The following ERG28 variants were observed in gnomAD, a reference collection of about 807,000 sequenced individuals.
ERG28 encodes the protein ergosterol biosynthesis 28 homolog.
In ERG28, 9 loss-of-function variants were observed where a neutral mutation model predicts 15.7. The ratio of observed to expected loss-of-function variants is 0.57; its 90% CI spans 0.35 to 1.00. The LOEUF (loss-of-function observed/expected upper bound fraction) is 1.00. Ranked by LOEUF, ERG28 falls within the 50% of genes least tolerant of loss-of-function variation. The pLI is 0.02. For synonymous variants in ERG28, 61 were observed against 68.4 expected, an observed-to-expected ratio of 0.89 and a Z score of 0.53; for missense variants, 117 against 173.3, an observed-to-expected ratio of 0.68 and a Z score of 1.82.
intron 3 of ERG28, 105 bp from the exon 4 acceptor site, chr14:75,651,994 A>G: frequency 1.0e-6 from 1 of 985,232 alleles, no homozygotes. Flanking sequence ...GATGTCATTA[A>G]GACTTAAAAG....
intron 2 of ERG28, among the ~76,000 whole-genome samples, chr14:75,656,867 G>A (rs1338108080): frequency 6.6e-6 from 1 of 152,142 alleles, no homozygotes; most frequent in African/African-American, 2.4e-5. Flanking sequence ...CTCTCCATCT[G>A]TAACATGGAA....
At chr14:75,656,374 CT>C (rs1035298903) in intron 2 of ERG28, among the ~76,000 whole-genome samples, 13 of 152,060 alleles carry the variant, frequency 8.5e-5, no homozygotes, top group African/African-American at 2.7e-4. Context: ...CTCTGGACCT[CT>C]TTGCCTCAAC....
Position 75,651,437 on chromosome 14 carries a change from TA to T in ERG28, c.*117del. The T allele has an allele frequency of 2.0e-6, 2 of 1,003,838 alleles. No homozygotes were observed. Among genetic ancestry groups the T allele is most frequent in the Non-Finnish European group, 3.0e-6 (2 of 672,020 alleles). The allele number at this position is 1,003,838 out of a possible 1,614,324, so 62.2% of individuals were successfully genotyped here. A position where few individuals can be genotyped will look rare whatever the true frequency, so the allele number is the denominator to read the frequency against. The stretch of plus-strand genomic sequence containing the variant: ...AATTTTAAAAATTAAAAAAAGAGGC[TA>T]AAAGTGAATAAAAGGGCAGATGATG... On this transcript the variant is annotated 3_prime_UTR_variant, in exon 5 of 5. Transcript: ENST00000256319.
In ERG28 at chr14:75,651,406, T is replaced by G; in HGVS notation, c.*149A>C. 2.8e-6 allele frequency: 2 copies of G among 710,004 alleles called. No homozygotes were observed. The highest frequency in any genetic ancestry group is 4.6e-6 in the Non-Finnish European group (2 of 431,366). The allele number at this position is 710,004 out of a possible 1,614,324, so 44.0% of individuals were successfully genotyped here. A position where few individuals can be genotyped will look rare whatever the true frequency, so the allele number is the denominator to read the frequency against. On this transcript the variant is annotated 3_prime_UTR_variant, in exon 5 of 5. Transcript: ENST00000256319. ...TGTTATATACTTTTCAGTATGCATA[T>G]CTTTAAATTTTAAAAATTAAAAAAA...
chr14:75,651,706 C>G (rs1318838269), intron 4 of ERG28, 65 bp downstream of exon 4: 6 of 1,590,678 alleles, frequency 3.8e-6, no homozygotes, highest in Non-Finnish European at 5.2e-6. Flanking sequence ...CCTGTGTCCA[C>G]CCTCTGTACT....
Position 75,651,809 on chromosome 14 carries a change from G to C in ERG28, c.305C>G (p.Ala102Gly). The C allele has an allele frequency of 1.2e-6, 2 of 1,614,138 alleles. No homozygotes were observed. The highest frequency in any genetic ancestry group is 1.1e-5 in the South Asian group (1 of 91,086). ...GGGTGCCAGGACGCCAATCGTGGGA[G>C]CTGCAGTTCCATAGACAAACAACTC... ...LSELFVYGTA[A>G]PTIGVLAPLM... Residue 102 changes from alanine (A) to glycine (G), a missense_variant, in exon 4 of 5, where the codon GCT (alanine) becomes GGT (glycine). Transcript: ENST00000256319.
intron 3 of ERG28, 52 bp downstream of exon 3, chr14:75,654,834 C>T (rs896296788): frequency 2.0e-6 from 3 of 1,525,622 alleles, no homozygotes; most frequent in Non-Finnish European, 1.8e-6. Flanking sequence ...AGGTATGCCT[C>T]GCATCTGATT....
chr14:75,659,305 G>A (rs1346628822), intron 1 of ERG28, among the ~76,000 whole-genome samples: 1 of 152,108 alleles, frequency 6.6e-6, no homozygotes, highest in East Asian at 1.9e-4. Context: ...TTGTCTTCAA[G>A]TTGTATGGAA....
At chr14:75,651,940 C>G in intron 3 of ERG28, 51 bp from the exon 4 acceptor site, 1 of 1,493,284 alleles carries the variant, frequency 6.7e-7, no homozygotes, top group Non-Finnish European at 9.3e-7. Context: ...TTGTTCAGAA[C>G]AGAGGAAAAG....
chr14:75,660,227 C>T (rs1328189068), intron 1 of ERG28, among the ~76,000 whole-genome samples: 1 of 152,190 alleles, frequency 6.6e-6, no homozygotes, highest in African/African-American at 2.4e-5. Flanking sequence ...AATTGCTCTG[C>T]CAATTTCTCA....
chr14:75,656,996 T>C (rs1310153289), intron 2 of ERG28, among the ~76,000 whole-genome samples: 1 of 152,102 alleles, frequency 6.6e-6, no homozygotes, highest in Non-Finnish European at 1.5e-5. Context: ...AGTAAGTCTA[T>C]TTCCTCACTT....
chr14:75,660,757 C>A lies in ERG28; in HGVS notation c.-32+18G>T, dbSNP rs1890681560. On this transcript the variant is annotated intron_variant, in intron 1 of 4. Coordinates refer to ENST00000256319, the MANE Select transcript of ERG28 (RefSeq NM_007176.4). ...ACACAGACACCTACATCCCTCTTCT[C>A]CCCCATATTCTCCTTACCTGGCGAC... is the stretch of plus-strand genomic sequence containing the variant. 6.6e-6 allele frequency: 1 copy of A among 152,530 alleles called. No individual in the cohort carries two copies. Among genetic ancestry groups the A allele is most frequent in the Non-Finnish European group, 1.5e-5 (1 of 68,326 alleles). 9.4% of individuals were successfully genotyped at this position (152,530 alleles called of 1,614,324 possible).
In ERG28 at chr14:75,651,424, TA is replaced by T; in HGVS notation, c.*130del. On this transcript the variant is annotated 3_prime_UTR_variant, in exon 5 of 5. Coordinates refer to ENST00000256319, the MANE Select transcript of ERG28 (RefSeq NM_007176.4). ...ATGCATATCTTTAAATTTTAAAAAT[TA>T]AAAAAAGAGGCTAAAAGTGAATAAA... 1 of 881,382 alleles carries T rather than the reference TA, an allele frequency of 1.1e-6. No homozygotes were observed. The highest frequency in any genetic ancestry group is 1.7e-6 in the Non-Finnish European group (1 of 573,074). 54.6% of individuals were successfully genotyped at this position (881,382 alleles called of 1,614,324 possible).
chr14:75,660,325 A>G (rs745877409), intron 1 of ERG28, among the ~76,000 whole-genome samples: 36 of 152,158 alleles, frequency 2.4e-4, no homozygotes, highest in Non-Finnish European at 3.7e-4. Context: ...CAGCCCAGCC[A>G]AGCCCAGCCC....
chr14:75,655,048 A>T, intron 2 of ERG28, 72 bp from the exon 3 acceptor site: 1 of 1,449,196 alleles, frequency 6.9e-7, no homozygotes, highest in South Asian at 1.1e-5. Context: ...CTCCTATTTC[A>T]CTGGTGGTTC....
intron 3 of ERG28, among the ~76,000 whole-genome samples, chr14:75,652,989 A>G (rs898929977): frequency 1.3e-5 from 2 of 151,724 alleles, no homozygotes; most frequent in South Asian, 4.2e-4. Flanking sequence ...ACGCCCAGCT[A>G]ATTTTTGTAT....
intron 2 of ERG28, 101 bp downstream of exon 2, chr14:75,657,269 G>C: frequency 7.1e-7 from 1 of 1,403,558 alleles, no homozygotes; most frequent in Non-Finnish European, 9.7e-7. Flanking sequence ...GTTTGTTGAC[G>C]TTTCCTAGGT....
intron 2 of ERG28, among the ~76,000 whole-genome samples, chr14:75,656,323 C>CACAT (rs1491437800): frequency 7.1e-6 from 1 of 140,340 alleles, no homozygotes; most frequent in African/African-American, 2.7e-5. Flanking sequence ...CACACACACA[C>CACAT]ATAAAGTTCT....
At chr14:75,660,069 C>T (rs932970259) in intron 1 of ERG28, among the ~76,000 whole-genome samples, 2 of 152,230 alleles carry the variant, frequency 1.3e-5, no homozygotes, top group African/African-American at 4.8e-5. Flanking sequence ...CTCACTCTCT[C>T]TCAAGAGGAG....
Sources: allele counts gnomAD v4.1 joint callset (sites outside exome capture counted in the v4.1 genomes callset), GRCh38; gene constraint gnomAD v4.1.1; transcripts MANE v1.5; gene names NCBI Gene and HGNC (gene_info 2026-07-23, HGNC 2026-07-21).